Variants in CLSTN2 observed in about 807,000 individuals in gnomAD.
CLSTN2 encodes the protein calsyntenin 2.
Under a neutral mutation model 101.2 loss-of-function variants are expected in CLSTN2, and 48 were observed. That is an observed-to-expected ratio of 0.47 (90% CI 0.38 to 0.60). The LOEUF (loss-of-function observed/expected upper bound fraction) is 0.60, where lower values mean the gene tolerates loss of function less well. Ranked by LOEUF, CLSTN2 falls within the 20% of genes least tolerant of loss-of-function variation. The pLI, the probability that CLSTN2 is intolerant of heterozygous loss-of-function variation, is 0.00. For synonymous variants in CLSTN2, 481 were observed against 463.6 expected, an observed-to-expected ratio of 1.04 and a Z score of -0.48; for missense variants, 1,160 against 1,238.2, an observed-to-expected ratio of 0.94 and a Z score of 0.95.
intron 1 of CLSTN2, among the ~76,000 whole-genome samples, chr3:139,971,685 C>T (rs1270453663): frequency 6.6e-6 from 1 of 152,218 alleles, no homozygotes; most frequent in Admixed American, 6.5e-5. Flanking sequence ...ACCTTGAATT[C>T]TGAACCCACA....
chr3:140,194,026 T>C (rs2010609291), intron 2 of CLSTN2, among the ~76,000 whole-genome samples: 1 of 152,194 alleles, frequency 6.6e-6, no homozygotes, highest in Non-Finnish European at 1.5e-5. Context: ...TTTCTTGAGC[T>C]TTCTACTTTT....
intron 2 of CLSTN2, among the ~76,000 whole-genome samples, chr3:140,241,140 A>G (rs1014647413): frequency 2.0e-5 from 3 of 152,180 alleles, no homozygotes; most frequent in Non-Finnish European, 4.4e-5. Context: ...AGAAAACAAG[A>G]AAAGAATACT....
intron 1 of CLSTN2, among the ~76,000 whole-genome samples, chr3:140,071,242 TGCAATACCTTCC>T (rs2008387131): frequency 6.6e-6 from 1 of 152,128 alleles, no homozygotes; most frequent in South Asian, 2.1e-4. Context: ...GGAAAGACAT[TGCAATACCTTCC>T]GCATGCTTTC....
At chr3:139,984,033 T>C (rs13080287) in intron 1 of CLSTN2, among the ~76,000 whole-genome samples, 2 of 152,052 alleles carry the variant, frequency 1.3e-5, no homozygotes, top group East Asian at 1.9e-4. Context: ...GTAAAACTTA[T>C]TGGCATCAGT....
chr3:140,117,152 C>A (rs1195495291), intron 1 of CLSTN2, among the ~76,000 whole-genome samples: 1 of 152,142 alleles, frequency 6.6e-6, no homozygotes, highest in East Asian at 1.9e-4. Flanking sequence ...AGGCATCCTC[C>A]TTCCCTCAGG....
At chr3:140,222,678 G>C (rs1252875891) in intron 2 of CLSTN2, among the ~76,000 whole-genome samples, 2 of 151,958 alleles carry the variant, frequency 1.3e-5, no homozygotes, top group Non-Finnish European at 2.9e-5. Context: ...ACACAGCAGG[G>C]TGACTATGTC....
intron 2 of CLSTN2, among the ~76,000 whole-genome samples, chr3:140,203,254 C>A (rs1008891091): frequency 6.6e-6 from 1 of 151,984 alleles, no homozygotes; most frequent in African/African-American, 2.4e-5. Context: ...CATGTAGCAA[C>A]CTGGAGGTCA....
intron 1 of CLSTN2, among the ~76,000 whole-genome samples, chr3:140,123,359 A>C (rs944670434): frequency 6.6e-6 from 1 of 152,110 alleles, no homozygotes; most frequent in African/African-American, 2.4e-5. Context: ...TTAAGTTTCA[A>C]CATGAATTTT....
intron 8 of CLSTN2, chr3:140,508,553 G>A (rs1277156152): frequency 2.0e-5 from 3 of 152,212 alleles, no homozygotes; most frequent in African/African-American, 7.2e-5. Context: ...TCTCTTTGAA[G>A]ACAATTCCTA....
chr3:140,332,006 A>G (rs2087387823), intron 2 of CLSTN2, among the ~76,000 whole-genome samples: 1 of 152,210 alleles, frequency 6.6e-6, no homozygotes. Flanking sequence ...GTTTGCAGAC[A>G]TGAATCAATT....
At chr3:140,257,374 G>A (rs1394788393) in intron 2 of CLSTN2, among the ~76,000 whole-genome samples, 1 of 152,128 alleles carries the variant, frequency 6.6e-6, no homozygotes, top group Non-Finnish European at 1.5e-5. Context: ...AATGAAAAAA[G>A]TCTTGTATTT....
At chr3:140,064,588 T>G (rs2008266776) in intron 1 of CLSTN2, among the ~76,000 whole-genome samples, 1 of 152,206 alleles carries the variant, frequency 6.6e-6, no homozygotes, top group African/African-American at 2.4e-5. Context: ...TGACCAAAGC[T>G]GTACTTAGAA....
At chr3:140,074,830 G>T (rs2008458537) in intron 1 of CLSTN2, among the ~76,000 whole-genome samples, 1 of 152,108 alleles carries the variant, frequency 6.6e-6, no homozygotes, top group Non-Finnish European at 1.5e-5. Flanking sequence ...CTCCTTGTGG[G>T]ATCCAACAGT....
At chr3:140,110,349 A>G (rs2107794259) in intron 1 of CLSTN2, among the ~76,000 whole-genome samples, 1 of 152,328 alleles carries the variant, frequency 6.6e-6, no homozygotes, top group Middle Eastern at 3.4e-3. Context: ...ACTCCATAAG[A>G]GAAACCTCAG....
chr3:140,451,817 A>C (rs978936903), intron 6 of CLSTN2, among the ~76,000 whole-genome samples: 1 of 152,198 alleles, frequency 6.6e-6, no homozygotes, highest in Non-Finnish European at 1.5e-5. Context: ...GGGCTTCCCA[A>C]CTGGGGAGCT....
At chr3:140,109,930 A>G (rs1438647016) in intron 1 of CLSTN2, among the ~76,000 whole-genome samples, 1 of 152,106 alleles carries the variant, frequency 6.6e-6, no homozygotes, top group Non-Finnish European at 1.5e-5. Context: ...GAAATGTGTT[A>G]AAAGCACCCC....
At chr3:140,531,009 C>G (rs1935245545) in intron 8 of CLSTN2, among the ~76,000 whole-genome samples, 1 of 152,184 alleles carries the variant, frequency 6.6e-6, no homozygotes, top group African/African-American at 2.4e-5. Flanking sequence ...ACTAGTCTAT[C>G]AGCCCTGCAC....
intron 2 of CLSTN2, among the ~76,000 whole-genome samples, chr3:140,305,021 G>C (rs958597941): frequency 2.6e-5 from 3 of 115,604 alleles, no homozygotes; most frequent in African/African-American, 6.7e-5. Context: ...CACACACACA[G>C]AGACACACAC....
intron 2 of CLSTN2, among the ~76,000 whole-genome samples, chr3:140,292,335 T>A (rs374880018): frequency 6.5e-4 from 99 of 152,338 alleles, no homozygotes; most frequent in African/African-American, 2.2e-3. Context: ...AAATATCTCC[T>A]CCTCAATTAG....
Sources: gnomAD v4.1 joint callset for allele counts (sites outside exome capture counted in the v4.1 genomes callset) on GRCh38, gnomAD v4.1.1 for gene constraint, MANE v1.5 for transcripts, NCBI Gene and HGNC (gene_info 2026-07-23, HGNC 2026-07-21) for gene names.